DOCK2: variants seen among roughly 807,000 people sequenced by gnomAD.
The protein encoded by DOCK2 is dedicator of cytokinesis protein 2.
In DOCK2, 87 loss-of-function variants were observed where a neutral mutation model predicts 248.9. The ratio of observed to expected loss-of-function variants is 0.35; its 90% CI spans 0.29 to 0.42. DOCK2 has a LOEUF of 0.42. Ranked by LOEUF, DOCK2 falls within the 10% of genes least tolerant of loss-of-function variation. The pLI, the probability that DOCK2 is intolerant of heterozygous loss-of-function variation, is 1.00. For missense variants in DOCK2, 1,747 were observed against 2,300.2 expected (o/e 0.76, Z 4.92); for synonymous variants, 805 against 821.6 (o/e 0.98, Z 0.35).
At chr5:169,748,408 C>T (rs894314437) in intron 23 of DOCK2, among the ~76,000 whole-genome samples, 9 of 152,100 alleles carry the variant, frequency 5.9e-5, no homozygotes, top group South Asian at 2.1e-4. Flanking sequence ...TACAACCACC[C>T]GACTTTCTAA....
intron 26 of DOCK2, among the ~76,000 whole-genome samples, chr5:169,831,769 T>C (rs1301442882): frequency 1.3e-5 from 2 of 152,238 alleles, no homozygotes; most frequent in African/African-American, 2.4e-5. Flanking sequence ...TGGAATTAGC[T>C]ATGGTTCCTC....
rs147477042 is a variant in DOCK2, at chr5:169,901,989, T to C, written c.2799+61137T>C. ...GGTGTACACCATACCATATCAGGCA[T>C]TGGCCTTCAGAAGTAAGAGACCACC... On this transcript the variant is annotated intron_variant, in intron 27 of 51. Coordinates refer to ENST00000520908, the MANE Select transcript of DOCK2 (RefSeq NM_004946.3). Among the ~76,000 whole-genome samples the C allele has an allele frequency of 4.0e-4, 61 of 152,318 alleles. No individual in the cohort carries two copies. In the East Asian group the frequency reaches 9.5e-3, roughly 24 times the overall value.
At chr5:170,030,029 T>C (rs2113833407) in intron 34 of DOCK2, among the ~76,000 whole-genome samples, 1 of 152,324 alleles carries the variant, frequency 6.6e-6, no homozygotes, top group Non-Finnish European at 1.5e-5. Flanking sequence ...TGGAGACTGA[T>C]GTATCTGGGG....
Position 170,067,712 on chromosome 5 carries a change from A to T in DOCK2, c.4644+26A>T, listed in dbSNP as rs138035923. On this transcript the variant is annotated intron_variant, in intron 45 of 51. Coordinates refer to ENST00000520908, the MANE Select transcript of DOCK2 (RefSeq NM_004946.3). ...GTGAGGATTTCTGTTCTCCAAGTCT[A>T]GGGGAGCTCGGTGAGCAGAGCAGTG... The T allele has an allele frequency of 7.2e-4, 1,154 of 1,612,136 alleles. 6 individuals carry two copies. The African/African-American group carries it at 0.014, about 19-fold the overall frequency.
At chr5:170,077,599 C>T in intron 47 of DOCK2, 111 bp from the exon 48 acceptor site, 1 of 1,478,076 alleles carries the variant, frequency 6.8e-7, no homozygotes, top group Non-Finnish European at 9.1e-7. Context: ...TGCTGATGCT[C>T]CACTCAGCCC....
chr5:169,723,934 G>A (rs1762337612), intron 22 of DOCK2, among the ~76,000 whole-genome samples: 5 of 152,160 alleles, frequency 3.3e-5, no homozygotes. Flanking sequence ...AATGTAGTAA[G>A]CACTCATTAA....
chr5:169,810,348 C>T (rs1213161294), intron 26 of DOCK2, among the ~76,000 whole-genome samples: 1 of 152,176 alleles, frequency 6.6e-6, no homozygotes. Flanking sequence ...AAGATCCTCC[C>T]CTGTTCTGTG....
intron 27 of DOCK2, among the ~76,000 whole-genome samples, chr5:169,908,801 G>A (rs867852796): frequency 2.1e-5 from 3 of 144,334 alleles, no homozygotes; most frequent in Non-Finnish European, 4.5e-5. Context: ...TGCAACCTCT[G>A]CCTCCCAGGT....
At chr5:169,668,138 T>C (rs530795550) in intron 2 of DOCK2, among the ~76,000 whole-genome samples, 1 of 152,372 alleles carries the variant, frequency 6.6e-6, no homozygotes, top group East Asian at 1.9e-4. Flanking sequence ...AGGCCACTCA[T>C]TTGTAAAACA....
intron 7 of DOCK2, among the ~76,000 whole-genome samples, chr5:169,682,411 A>G (rs918135336): frequency 6.6e-6 from 1 of 152,220 alleles, no homozygotes; most frequent in Non-Finnish European, 1.5e-5. Flanking sequence ...TGACTATTCA[A>G]GGAGTAGGAA....
At chr5:170,050,427 G>A in intron 41 of DOCK2, 30 bp downstream of exon 41, 2 of 1,607,024 alleles carry the variant, frequency 1.2e-6, no homozygotes, top group East Asian at 2.2e-5. Context: ...TAGCCAAGGG[G>A]CCAGACCTGA....
chr5:169,879,877 A>G (rs1772536932), intron 27 of DOCK2, among the ~76,000 whole-genome samples: 6 of 152,198 alleles, frequency 3.9e-5, no homozygotes, highest in Admixed American at 3.9e-4. Context: ...TAGGCCAAAT[A>G]TAAAATCATT....
At chr5:169,930,153 G>A (rs373039841) in intron 27 of DOCK2, among the ~76,000 whole-genome samples, 2 of 152,224 alleles carry the variant, frequency 1.3e-5, no homozygotes, top group African/African-American at 2.4e-5. Context: ...ACCATGCCCA[G>A]CTAATTTTTT....
At chr5:169,833,799 A>G (rs149720443) in intron 26 of DOCK2, among the ~76,000 whole-genome samples, 119 of 152,338 alleles carry the variant, frequency 7.8e-4, no homozygotes, top group African/African-American at 2.8e-3. Flanking sequence ...CCAGGCCTTC[A>G]CACATCATGC....
chr5:169,637,279 AC>A lies in DOCK2; in HGVS notation c.-43del, dbSNP rs1311121843. 1 of 1,430,674 alleles carries A rather than the reference AC, an allele frequency of 7.0e-7. No homozygotes were observed. Among genetic ancestry groups the A allele is most frequent in the South Asian group, 1.4e-5 (1 of 71,548 alleles). 88.6% of individuals were successfully genotyped at this position (1,430,674 alleles called of 1,614,324 possible). A position where few individuals can be genotyped will look rare whatever the true frequency, so the allele number is the denominator to read the frequency against. On this transcript the variant is annotated 5_prime_UTR_variant, in exon 1 of 52. Coordinates refer to ENST00000520908, the MANE Select transcript of DOCK2 (RefSeq NM_004946.3). The stretch of plus-strand genomic sequence containing the variant: ...AAGTGGGGCCCTGCGGCGCCCAGCC[AC>A]CCCCTGACGGCTTCCCCACGGGAGG...
At chr5:169,980,312 C>T (rs1777895104) in intron 27 of DOCK2, 1 of 152,202 alleles carries the variant, frequency 6.6e-6, no homozygotes, top group Non-Finnish European at 1.5e-5. Flanking sequence ...AGGATGGTCC[C>T]CCTTCCTTGC....
rs143873109 is a variant in DOCK2 at position 169,789,325 on chromosome 5, T to C, written c.2555-13733T>C. 1.4e-3 allele frequency among the ~76,000 whole-genome samples: 214 copies of C among 152,384 alleles called. 2 individuals are homozygous for C. The highest frequency in any genetic ancestry group is 4.6e-3 in the African/African-American group (193 of 41,588). On this transcript the variant is annotated intron_variant, in intron 25 of 51. Transcript: ENST00000520908. ...GTGCTGCAATGAATGTACGTGTGCA[T>C]GTGTCTTTATAATAGAACGAATTAT...
chr5:169,867,701 C>T (rs1035146029), intron 27 of DOCK2, among the ~76,000 whole-genome samples: 1 of 152,062 alleles, frequency 6.6e-6, no homozygotes, highest in African/African-American at 2.4e-5. Context: ...ACACATAGAT[C>T]GCACACATAC....
At chr5:169,839,507 G>C (rs994022467) in intron 26 of DOCK2, among the ~76,000 whole-genome samples, 1 of 150,540 alleles carries the variant, frequency 6.6e-6, no homozygotes, top group African/African-American at 2.5e-5. Flanking sequence ...GGCCACCCTC[G>C]CGTATGCATG....
Sources: allele counts gnomAD v4.1 joint callset (sites outside exome capture counted in the v4.1 genomes callset), GRCh38; gene constraint gnomAD v4.1.1; transcripts MANE v1.5; gene names NCBI Gene and HGNC (gene_info 2026-07-23, HGNC 2026-07-21).